The following PCED1B variants were observed in gnomAD, a reference collection of about 807,000 sequenced individuals.
PCED1B encodes the protein PC-esterase domain-containing protein 1B.
For synonymous variants in PCED1B, 251 were observed against 246.1 expected (o/e 1.02, Z -0.19); for missense variants, 573 against 573.9 (o/e 1.00, Z 0.02).
intron 2 of PCED1B, among the ~76,000 whole-genome samples, chr12:47,112,162 T>C (rs1049263911): frequency 5.9e-5 from 9 of 152,234 alleles, no homozygotes; most frequent in Non-Finnish European, 1.3e-4. Context: ...TTGCTATTAT[T>C]TTATTTAACA....
At chr12:47,155,106 G>A (rs1223939634) in intron 2 of PCED1B, among the ~76,000 whole-genome samples, 1 of 152,128 alleles carries the variant, frequency 6.6e-6, no homozygotes, top group Non-Finnish European at 1.5e-5. Flanking sequence ...GGTTGCAATA[G>A]TTCGGAAAGA....
At chr12:47,135,981 C>T (rs1261531223) in intron 2 of PCED1B, 1 of 174,394 alleles carries the variant, frequency 5.7e-6, no homozygotes, top group Non-Finnish European at 1.2e-5. Context: ...TAGATAAGAA[C>T]AAGTTACTCT....
chr12:47,122,602 T>G (rs976201856), intron 2 of PCED1B, among the ~76,000 whole-genome samples: 10 of 152,238 alleles, frequency 6.6e-5, no homozygotes, highest in African/African-American at 2.4e-4. Context: ...TTTCAACTCT[T>G]TACTCTTAGC....
Position 47,235,258 on chromosome 12 carries a change from C to T in PCED1B, c.195C>T (p.Gly65=). ...AACAAGATGAGCTGGTGGACGGAGGCCAGCGGGGCCACATGCACAACGGCC... is the reference window on the plus strand; with the variant it reads ...AACAAGATGAGCTGGTGGACGGAGGTCAGCGGGGCCACATGCACAACGGCC... ...NFEQDELVDG[G]QRGHMHNGLN... is the part of the protein sequence containing the mutation. Residue 65 remains glycine, a synonymous_variant, in exon 4 of 4, where the codon GGC becomes GGT. Transcript: ENST00000546455. 1 of 1,613,718 alleles carries T rather than the reference C, an allele frequency of 6.2e-7. No homozygotes were observed. The highest frequency in any genetic ancestry group is 8.5e-7 in the Non-Finnish European group (1 of 1,179,756).
chr12:47,157,304 T>G (rs975206634), intron 2 of PCED1B, among the ~76,000 whole-genome samples: 3 of 152,194 alleles, frequency 2.0e-5, no homozygotes, highest in African/African-American at 7.2e-5. Flanking sequence ...AGAAACCATC[T>G]GTGGTTGGGT....
At chr12:47,164,632 A>C (rs1406441252) in intron 2 of PCED1B, among the ~76,000 whole-genome samples, 2 of 152,164 alleles carry the variant, frequency 1.3e-5, no homozygotes, top group Non-Finnish European at 2.9e-5. Flanking sequence ...GTTCCCACAG[A>C]TCCACTAGGC....
intron 3 of PCED1B, among the ~76,000 whole-genome samples, chr12:47,226,416 C>A (rs932570697): frequency 3.9e-5 from 6 of 152,220 alleles, no homozygotes; most frequent in Non-Finnish European, 7.3e-5. Context: ...CTCTGTCGCC[C>A]AGCCTGGAGT....
At chr12:47,182,029 A>G (rs893384212) in intron 2 of PCED1B, among the ~76,000 whole-genome samples, 14 of 152,346 alleles carry the variant, frequency 9.2e-5, no homozygotes, top group East Asian at 3.9e-4. Flanking sequence ...TTGAAGTCAC[A>G]AACAGTTCTG....
At chr12:47,127,841 A>G (rs142088586) in intron 2 of PCED1B, among the ~76,000 whole-genome samples, 110 of 152,298 alleles carry the variant, frequency 7.2e-4, no homozygotes, top group African/African-American at 2.6e-3. Flanking sequence ...GGAGTGTTCC[A>G]TAAGTTCCAG....
At chr12:47,166,118 A>G (rs1941537760) in intron 2 of PCED1B, among the ~76,000 whole-genome samples, 1 of 152,086 alleles carries the variant, frequency 6.6e-6, no homozygotes, top group Admixed American at 6.5e-5. Context: ...TTGTTGAAAA[A>G]TTTACTGTTT....
intron 2 of PCED1B, among the ~76,000 whole-genome samples, chr12:47,148,934 T>C (rs1194887845): frequency 6.6e-6 from 1 of 152,232 alleles, no homozygotes; most frequent in Non-Finnish European, 1.5e-5. Flanking sequence ...TAGCACCTTC[T>C]GTCCCGTTTT....
chr12:47,218,407 C>T (rs749135712), intron 3 of PCED1B, among the ~76,000 whole-genome samples: 73 of 152,384 alleles, frequency 4.8e-4, no homozygotes, highest in Non-Finnish European at 8.7e-4. Context: ...GAGCTTGAAA[C>T]TGGCAAGTCC....
At chr12:47,161,551 C>T (rs949705897) in intron 2 of PCED1B, among the ~76,000 whole-genome samples, 5 of 152,050 alleles carry the variant, frequency 3.3e-5, no homozygotes, top group Non-Finnish European at 7.4e-5. Flanking sequence ...TAAAGAAATA[C>T]CTGAGGTTGA....
At chr12:47,164,923 G>C (rs1234192393) in intron 2 of PCED1B, among the ~76,000 whole-genome samples, 1 of 152,210 alleles carries the variant, frequency 6.6e-6, no homozygotes, top group Non-Finnish European at 1.5e-5. Flanking sequence ...AGGTCCTGAG[G>C]AAACCCTGGG....
At chr12:47,174,936 G>C (rs1941874026) in intron 2 of PCED1B, among the ~76,000 whole-genome samples, 1 of 152,210 alleles carries the variant, frequency 6.6e-6, no homozygotes, top group Admixed American at 6.5e-5. Context: ...TGTAGGTAAA[G>C]ACGTGGCAAG....
rs571700578 is a variant in PCED1B at position 47,180,894 on chromosome 12, T to C, written c.-525-35328T>C. On this transcript the variant is annotated intron_variant, in intron 2 of 3. Transcript: ENST00000546455. ...TCAACTGGTTTTTTATTCTATACTT[T>C]CATGAGAAAGTATACATATACATAC... 2.6e-5 allele frequency among the ~76,000 whole-genome samples: 4 copies of C among 152,334 alleles called. 1 individual carries two copies. Among genetic ancestry groups the C allele is most frequent in the African/African-American group, 9.6e-5 (4 of 41,584 alleles).
In PCED1B at chr12:47,199,022, C is replaced by T. The variant is rs756795466; in HGVS notation, c.-525-17200C>T. 1.4e-3 allele frequency among the ~76,000 whole-genome samples: 211 copies of T among 151,084 alleles called. 2 individuals carry two copies. The highest frequency in any genetic ancestry group is 2.3e-3 in the Non-Finnish European group (157 of 67,684). On this transcript the variant is annotated intron_variant, in intron 2 of 3. Transcript: ENST00000546455. ...AAGGAAAATCCCAAAGAATCAACAA[C>T]AGCAAAAAACCATCCTGGAACTATT...
intron 2 of PCED1B, among the ~76,000 whole-genome samples, chr12:47,119,208 A>G (rs578169446): frequency 8.5e-5 from 13 of 152,308 alleles, no homozygotes; most frequent in Admixed American, 8.5e-4. Context: ...ATAAATAAAT[A>G]TATTTACCTC....
At chr12:47,222,443 AAG>A (rs1301636168) in intron 3 of PCED1B, among the ~76,000 whole-genome samples, 3 of 147,120 alleles carry the variant, frequency 2.0e-5, no homozygotes, top group African/African-American at 7.7e-5. Flanking sequence ...AAAAAAAAAA[AAG>A]AGAGAGAATT....
Sources: gnomAD v4.1 joint callset for allele counts (sites outside exome capture counted in the v4.1 genomes callset) on GRCh38, gnomAD v4.1.1 for gene constraint, MANE v1.5 for transcripts, NCBI Gene and HGNC (gene_info 2026-07-23, HGNC 2026-07-21) for gene names.